The following CCDC7 variants were observed in gnomAD, a reference collection of about 807,000 sequenced individuals.
CCDC7 encodes coiled-coil domain-containing protein 7.
Under a neutral mutation model 196.9 loss-of-function variants are expected in CCDC7, and 183 were observed. The ratio of observed to expected loss-of-function variants is 0.93; its 90% CI spans 0.82 to 1.05. The LOEUF is 1.05. CCDC7 is among the 50% of genes least tolerant of loss of function. CCDC7 has a pLI of 0.00. For synonymous variants in CCDC7, 525 were observed against 484.6 expected, an observed-to-expected ratio of 1.08 and a Z score of -1.10; for missense variants, 1,540 against 1,482.2, an observed-to-expected ratio of 1.04 and a Z score of -0.64.
intron 33 of CCDC7, among the ~76,000 whole-genome samples, chr10:32,838,840 A>C (rs1395741449): frequency 6.6e-6 from 1 of 152,070 alleles, no homozygotes; most frequent in Non-Finnish European, 1.5e-5. Flanking sequence ...TAGCCTCCTT[A>C]AATAAAACAA....
intron 28 of CCDC7, among the ~76,000 whole-genome samples, chr10:32,770,359 T>C (rs530410024): frequency 6.6e-6 from 1 of 152,324 alleles, no homozygotes; most frequent in East Asian, 1.9e-4. Context: ...TCCATCTTAA[T>C]TTCGTTATTG....
At chr10:32,454,372 C>A (rs2033822337) in intron 2 of CCDC7, among the ~76,000 whole-genome samples, 2 of 151,964 alleles carry the variant, frequency 1.3e-5, no homozygotes, top group Admixed American at 6.6e-5. Context: ...ATCAAAGAAC[C>A]AAAACTAAAA....
chr10:32,453,633 G>C (rs2033648972), intron 2 of CCDC7, among the ~76,000 whole-genome samples, 197 bp downstream of exon 3: 2 of 152,066 alleles, frequency 1.3e-5, no homozygotes, highest in African/African-American at 4.8e-5. Flanking sequence ...TTGCCAAGAA[G>C]TTTGCAGAAA....
At chr10:32,879,425 G>A (rs142064897), downstream of CCDC7, among the ~76,000 whole-genome samples, 5 of 152,074 alleles carry the variant, frequency 3.3e-5, no homozygotes, top group South Asian at 2.1e-4. Flanking sequence ...GTCGTTGCTC[G>A]GGGCGATGTG....
intron 39 of CCDC7, among the ~76,000 whole-genome samples, chr10:32,851,220 CCT>C: frequency 6.6e-6 from 1 of 152,122 alleles, no homozygotes; most frequent in South Asian, 2.1e-4. Context: ...TATAAACTTT[CCT>C]CTTAGGACTA....
At chr10:32,689,946 G>T in intron 23 of CCDC7, among the ~76,000 whole-genome samples, 1 of 152,108 alleles carries the variant, frequency 6.6e-6, no homozygotes, top group Non-Finnish European at 1.5e-5. Flanking sequence ...TGTTGGCCAG[G>T]CTGGTCTCGA....
chr10:32,755,618 C>T (rs1271350792), intron 28 of CCDC7, among the ~76,000 whole-genome samples: 1 of 152,040 alleles, frequency 6.6e-6, no homozygotes, highest in East Asian at 1.9e-4. Context: ...ACATCAAAGA[C>T]CAAAGTTAGA....
chr10:32,811,286 C>T (rs1443902947), intron 30 of CCDC7, among the ~76,000 whole-genome samples: 1 of 151,678 alleles, frequency 6.6e-6, no homozygotes, highest in African/African-American at 2.4e-5. Flanking sequence ...ATAGAAGATA[C>T]AAATTAACAA....
chr10:32,695,383 G>A (rs188010721), intron 24 of CCDC7, among the ~76,000 whole-genome samples: 2 of 152,304 alleles, frequency 1.3e-5, no homozygotes, highest in Admixed American at 6.5e-5. Flanking sequence ...TAACTCAAAT[G>A]ACAAAATGTA....
chr10:32,463,134 T>C, intron 5 of CCDC7, 85 bp downstream of exon 6: 1 of 1,518,464 alleles, frequency 6.6e-7, no homozygotes, highest in Non-Finnish European at 9.0e-7. Flanking sequence ...GTTAAGTATG[T>C]ATAAGTCATT....
intron 28 of CCDC7, among the ~76,000 whole-genome samples, chr10:32,775,754 T>A (rs2079917126): frequency 6.6e-6 from 1 of 152,202 alleles, no homozygotes; most frequent in Admixed American, 6.5e-5. Flanking sequence ...CCTTCACACA[T>A]GAATATATGT....
At chr10:32,473,927 C>A in intron 7 of CCDC7, 40 bp from the exon 9 acceptor site, 1 of 1,555,024 alleles carries the variant, frequency 6.4e-7, no homozygotes, top group Non-Finnish European at 8.7e-7. Context: ...TATATAATTG[C>A]CGTTTGAAGT....
At chr10:32,735,963 T>C (rs1298183249) in intron 28 of CCDC7, among the ~76,000 whole-genome samples, 2 of 152,154 alleles carry the variant, frequency 1.3e-5, no homozygotes, top group Non-Finnish European at 1.5e-5. Flanking sequence ...TTGTAAAAAT[T>C]TGTTGACTAT....
intron 25 of CCDC7, among the ~76,000 whole-genome samples, chr10:32,724,171 G>C (rs1419579847): frequency 6.6e-6 from 1 of 152,092 alleles, no homozygotes; most frequent in Non-Finnish European, 1.5e-5. Context: ...AATATTTCCT[G>C]AGACACATTG....
intron 11 of CCDC7, among the ~76,000 whole-genome samples, chr10:32,518,750 T>C (rs544698135): frequency 3.0e-4 from 46 of 152,254 alleles, no homozygotes; most frequent in African/African-American, 1.0e-3. Flanking sequence ...AGGCCAAATA[T>C]TTAACTTTAT....
chr10:32,778,850 C>A (rs1384966299), intron 28 of CCDC7, 127 bp from the exon 30 acceptor site: 9 of 655,344 alleles, frequency 1.4e-5, no homozygotes, highest in Non-Finnish European at 2.1e-5. Context: ...TTTCTGATTT[C>A]TTTTGCAGTG....
At chr10:32,878,079 T>C (rs1253829154), downstream of CCDC7, among the ~76,000 whole-genome samples, 1 of 152,112 alleles carries the variant, frequency 6.6e-6, no homozygotes, top group Non-Finnish European at 1.5e-5. Context: ...TTATGACTCC[T>C]CAGCACTTTT....
At chr10:32,757,846 T>C (rs760461250) in intron 28 of CCDC7, among the ~76,000 whole-genome samples, 1 of 152,156 alleles carries the variant, frequency 6.6e-6, no homozygotes, top group Non-Finnish European at 1.5e-5. Context: ...ACAAAATTGA[T>C]AGACCACTAG....
intron 20 of CCDC7, among the ~76,000 whole-genome samples, chr10:32,656,839 G>A (rs754744820): frequency 2.6e-5 from 4 of 152,098 alleles, no homozygotes. Flanking sequence ...GTGAGACAAG[G>A]CAAGTCCCTT....
Sources: gnomAD v4.1 joint callset for allele counts (sites outside exome capture counted in the v4.1 genomes callset) on GRCh38, gnomAD v4.1.1 for gene constraint, MANE v1.5 for transcripts, NCBI Gene and HGNC (gene_info 2026-07-23, HGNC 2026-07-21) for gene names.